Variants in ARHGAP29 observed in about 807,000 individuals in gnomAD.
ARHGAP29 encodes the protein Rho GTPase activating protein 29.
Under a neutral mutation model 122.6 loss-of-function variants are expected in ARHGAP29, and 43 were observed. The observed-to-expected ratio is 0.35, with a 90% confidence interval of 0.27 to 0.45. ARHGAP29 has a LOEUF of 0.45. Among genes scored for constraint, ARHGAP29 ranks in the 20% least tolerant of loss-of-function variants. ARHGAP29 has a pLI of 1.00. For synonymous variants in ARHGAP29, 506 were observed against 497.1 expected, an observed-to-expected ratio of 1.02 and a Z score of -0.24; for missense variants, 1,303 against 1,477.2, an observed-to-expected ratio of 0.88 and a Z score of 1.93.
At chr1:94,220,462 C>T in intron 2 of ARHGAP29, 70 bp from the exon 3 acceptor site, 1 of 1,353,190 alleles carries the variant, frequency 7.4e-7, no homozygotes, top group African/African-American at 1.5e-5. Flanking sequence ...AAAACGTCAT[C>T]TGAAGCACAT....
At chr1:94,305,161 T>C in the ARHGAP29 span, among the ~76,000 whole-genome samples, 1 of 152,214 alleles carries the variant, frequency 6.6e-6, no homozygotes, top group Non-Finnish European at 1.5e-5. Flanking sequence ...AATAATGCTG[T>C]CCCTCACCTC....
In ARHGAP29 at chr1:94,168,997, T is replaced by C. The variant is rs1316223057; in HGVS notation, c.*4872A>G. 1.3e-5 allele frequency among the ~76,000 whole-genome samples: 2 copies of C among 152,200 alleles called. No individual in the cohort carries two copies. Among genetic ancestry groups the C allele is most frequent in the Non-Finnish European group, 1.5e-5 (1 of 68,044 alleles). ...GGTTGAGTGTGAGGACACTTAAAAA[T>C]AGCATGATACAGTTATTGTAGGAAG... On this transcript the variant is annotated 3_prime_UTR_variant, in exon 23 of 23. Transcript: ENST00000260526.
intron 1 of ARHGAP29, among the ~76,000 whole-genome samples, chr1:94,257,777 G>T (rs1654417918): frequency 6.6e-6 from 1 of 152,154 alleles, no homozygotes; most frequent in Non-Finnish European, 1.5e-5. Context: ...TTATCCTAAT[G>T]ATATATGCTC....
intron 1 of ARHGAP29, among the ~76,000 whole-genome samples, chr1:94,262,060 A>G (rs1654578434): frequency 6.6e-6 from 1 of 152,238 alleles, no homozygotes; most frequent in Non-Finnish European, 1.5e-5. Flanking sequence ...ACAGACACAT[A>G]GACCAATGGA....
intron 18 of ARHGAP29, 25 bp downstream of exon 18, chr1:94,184,847 T>C (rs532616954): frequency 6.6e-7 from 1 of 1,523,330 alleles, no homozygotes; most frequent in Admixed American, 2.2e-5. Context: ...TTATGCTTTT[T>C]AAAATTTTAA....
At chr1:94,300,839 GA>G in the ARHGAP29 span, among the ~76,000 whole-genome samples, 1 of 152,192 alleles carries the variant, frequency 6.6e-6, no homozygotes, top group Non-Finnish European at 1.5e-5. Flanking sequence ...ATTAATGAAT[GA>G]GCAGATTAAT....
Position 94,179,966 on chromosome 1 carries a change from A to G in ARHGAP29, c.2248-9T>C. 8 of 1,558,898 alleles carry G rather than the reference A, an allele frequency of 5.1e-6. No homozygotes were observed. Among genetic ancestry groups the G allele is most frequent in the Non-Finnish European group, 7.0e-6 (8 of 1,149,348 alleles). On this transcript the variant is annotated splice_polypyrimidine_tract_variant and intron_variant, in intron 19 of 22. Coordinates refer to ENST00000260526, the MANE Select transcript of ARHGAP29 (RefSeq NM_004815.4). Reference sequence around the variant, plus strand: ...ATAAATGGTTCTGGGAGCTAAAGAAATAAAATTACATTGGGGTAAGCATTC... The same window carrying G: ...ATAAATGGTTCTGGGAGCTAAAGAAGTAAAATTACATTGGGGTAAGCATTC...
intron 2 of ARHGAP29, among the ~76,000 whole-genome samples, chr1:94,221,860 C>T (rs967994461): frequency 3.3e-5 from 5 of 151,522 alleles, no homozygotes; most frequent in African/African-American, 1.2e-4. Flanking sequence ...TAATACTATT[C>T]TCCAATGAAA....
the ARHGAP29 span, among the ~76,000 whole-genome samples, chr1:94,281,710 A>G: frequency 1.3e-5 from 2 of 152,226 alleles, no homozygotes; most frequent in South Asian, 2.1e-4. Flanking sequence ...GATAAAATCA[A>G]TTAGAGACCA....
the ARHGAP29 span, among the ~76,000 whole-genome samples, chr1:94,281,233 T>C: frequency 6.6e-6 from 1 of 152,244 alleles, no homozygotes; most frequent in Non-Finnish European, 1.5e-5. Flanking sequence ...CATATGCATT[T>C]GTAAAACATT....
intron 1 of ARHGAP29, among the ~76,000 whole-genome samples, chr1:94,245,691 T>C (rs997475955): frequency 6.6e-6 from 1 of 152,164 alleles, no homozygotes; most frequent in Non-Finnish European, 1.5e-5. Flanking sequence ...TATTATACCT[T>C]GGGCCCCATC....
intron 1 of ARHGAP29, among the ~76,000 whole-genome samples, chr1:94,264,109 T>C (rs1340109546): frequency 6.6e-6 from 1 of 152,146 alleles, no homozygotes; most frequent in East Asian, 1.9e-4. Context: ...GCCAAATTGA[T>C]CTCCAGAAAG....
chr1:94,231,604 G>A lies in ARHGAP29; in HGVS notation c.8C>T (p.Ala3Val). The A allele has an allele frequency of 6.2e-7, 1 of 1,612,696 alleles. No individual in the cohort carries two copies. The highest frequency in any genetic ancestry group is 8.5e-7 in the Non-Finnish European group (1 of 1,179,408). The change falls in exon 2 of 23, where the codon GCT (alanine) becomes GTT (valine). Residue 3 changes from alanine to valine, a missense_variant. By Grantham distance (64) the Ala-to-Val change is moderately conservative. Coordinates refer to ENST00000260526, the MANE Select transcript of ARHGAP29 (RefSeq NM_004815.4). MI[A>V]HKQKKTKKKR... ...TTTCTTTGTCTTTTTCTGTTTGTGAGCAATCATCCTTTCATGTAACAGTCA... is the reference window on the plus strand; with the variant it reads ...TTTCTTTGTCTTTTTCTGTTTGTGAACAATCATCCTTTCATGTAACAGTCA...
intron 22 of ARHGAP29, among the ~76,000 whole-genome samples, chr1:94,174,979 A>C (rs1479770742): frequency 6.6e-6 from 1 of 152,242 alleles, no homozygotes; most frequent in Non-Finnish European, 1.5e-5. Flanking sequence ...GAACAGCTAC[A>C]AAACACAAAA....
At chr1:94,184,347 C>T in intron 18 of ARHGAP29, 59 bp from the exon 19 acceptor site, 1 of 1,215,208 alleles carries the variant, frequency 8.2e-7, no homozygotes, top group Non-Finnish European at 1.2e-6. Flanking sequence ...TGGCTAAATG[C>T]AGATATCTAC....
rs201516144 is a variant in ARHGAP29 at position 94,231,502 on chromosome 1, T to C, written c.110A>G (p.Asn37Ser). 2 of 1,613,738 alleles carry C rather than the reference T, an allele frequency of 1.2e-6. No individual in the cohort carries two copies. Among genetic ancestry groups the C allele is most frequent in the Non-Finnish European group, 8.5e-7 (1 of 1,179,740 alleles). The change falls in exon 2 of 23, where the codon AAC becomes AGC. Residue 37 changes from asparagine to serine, a missense_variant. Around this residue, in one of 3 missense-constraint regions of ARHGAP29, gnomAD observed 592 missense variants for 648.2 expected, o/e 0.91. Coordinates refer to ENST00000260526, the MANE Select transcript of ARHGAP29 (RefSeq NM_004815.4). ...GATGTAATCCGGATCAAAAATAGAG[T>C]TGGAACTTAAGGACTTGAGCCCCAT... ...SEMGLKSLSSNSIFDPDYIKE... is the reference protein window; with the variant it reads ...SEMGLKSLSSSSIFDPDYIKE...
chr1:94,179,208 C>G (rs1311708337), intron 20 of ARHGAP29, among the ~76,000 whole-genome samples: 1 of 152,196 alleles, frequency 6.6e-6, no homozygotes, highest in Non-Finnish European at 1.5e-5. Flanking sequence ...GTACATATAT[C>G]TTCAATGTCT....
At position 94,205,935 on chromosome 1, in the gene ARHGAP29, A is replaced by G. The variant is rs111982129; in HGVS notation, c.511-252T>C. Among the ~76,000 whole-genome samples, 1,374 of 152,356 alleles carry G rather than the reference A, an allele frequency of 9.0e-3. 28 individuals are homozygous for G. The highest frequency in any genetic ancestry group is 0.031 in the African/African-American group (1,306 of 41,582). On this transcript the variant is annotated intron_variant, in intron 5 of 22. Coordinates refer to ENST00000260526, the MANE Select transcript of ARHGAP29 (RefSeq NM_004815.4). ...GTTGTTACTAACAGCATTAGTTAACATTAATGAATCCATTCAAAACTTTAA... is the reference window on the plus strand; with the variant it reads ...GTTGTTACTAACAGCATTAGTTAACGTTAATGAATCCATTCAAAACTTTAA...
chr1:94,203,504 G>T (rs1366189219), intron 8 of ARHGAP29, among the ~76,000 whole-genome samples: 2 of 152,186 alleles, frequency 1.3e-5, no homozygotes, highest in East Asian at 3.9e-4. Flanking sequence ...GGAGGCCAAG[G>T]TGGGTGGATT....
Sources: gnomAD v4.1 joint callset for allele counts (sites outside exome capture counted in the v4.1 genomes callset) on GRCh38, gnomAD v4.1.1 for gene constraint, gnomAD v4.1.1 regional missense constraint, MANE v1.5 for transcripts, NCBI Gene and HGNC (gene_info 2026-07-23, HGNC 2026-07-21) for gene names.